Variants in OTOR observed in about 807,000 individuals in gnomAD.
OTOR encodes otoraplin.
A neutral mutation model predicts 15.9 loss-of-function variants in OTOR; 20 were observed. That is an observed-to-expected ratio of 1.26 (90% CI 0.89 to 1.83). The LOEUF (loss-of-function observed/expected upper bound fraction) is 1.83, where lower values mean the gene tolerates loss of function less well. Ranked by LOEUF, OTOR falls within the 40% of genes most tolerant of loss-of-function variation. The pLI is 0.00. For missense variants in OTOR, 184 were observed against 159.0 expected, an observed-to-expected ratio of 1.16 and a Z score of -0.85; for synonymous variants, 53 against 54.2, an observed-to-expected ratio of 0.98 and a Z score of 0.09.
At position 16,748,474 on chromosome 20, in the gene OTOR, C is replaced by G. The variant is rs750947294; in HGVS notation, c.73C>G (p.Arg25Gly). 2 of 1,613,308 alleles carry G rather than the reference C, an allele frequency of 1.2e-6. No individual in the cohort carries two copies. Among genetic ancestry groups the G allele is most frequent in the South Asian group, 2.2e-5 (2 of 91,068 alleles). Residue 25 changes from arginine to glycine, a missense_variant, in exon 1 of 4, where the codon CGT (arginine) becomes GGT (glycine). Arg to Gly is a moderately radical substitution (Grantham distance 125). Transcript: ENST00000246081. ...VCAVHGIFMD[R>G]LASKKLCADD... ...TGCTGTGCATGGAATATTTATGGAC[C>G]GTCTAGCTTCCAAGAAGCTCTGTGC...
At chr20:16,750,386 A>G (rs1181721672) in intron 3 of OTOR, among the ~76,000 whole-genome samples, 1 of 148,272 alleles carries the variant, frequency 6.7e-6, no homozygotes. Flanking sequence ...CACATACATC[A>G]CCTCACATAG....
At chr20:16,748,798 T>A (rs914150460) in intron 1 of OTOR, 69 bp from the exon 2 acceptor site, 10 of 1,191,624 alleles carry the variant, frequency 8.4e-6, no homozygotes, top group African/African-American at 1.6e-5. Flanking sequence ...TTTTCTAATA[T>A]ACATTGCCTT....
chr20:16,748,361 C>G lies in OTOR; in HGVS notation c.-41C>G, dbSNP rs528759976. 1.5e-6 allele frequency: 2 copies of G among 1,348,976 alleles called. No homozygotes were observed. Among genetic ancestry groups the G allele is most frequent in the South Asian group, 2.3e-5 (2 of 85,648 alleles). The allele number at this position is 1,348,976 out of a possible 1,614,324, so 83.6% of individuals were successfully genotyped here. A position where few individuals can be genotyped will look rare whatever the true frequency, so the allele number is the denominator to read the frequency against. ...GGCAGGAACCACTGAAGTCAGTCCC[C>G]GCTTCCAGTCAGAGTTCAAGTTAAA... On this transcript the variant is annotated 5_prime_UTR_variant, in exon 1 of 4. Coordinates refer to ENST00000246081, the MANE Select transcript of OTOR (RefSeq NM_020157.4).
In OTOR at chr20:16,748,454, T is replaced by C; in HGVS notation, c.53T>C (p.Val18Ala). ...CCGGGTCTTGTGGCTGTATGTGCTG[T>C]GCATGGAATATTTATGGACCGTCTA... ...FLPGLVAVCA[V>A]HGIFMDRLAS... is the part of the protein sequence containing the mutation. Residue 18 changes from valine (V) to alanine (A), a missense_variant, in exon 1 of 4, where the codon GTG (valine) becomes GCG (alanine). Physicochemically the swap from Val to Ala is moderately conservative, Grantham distance 64 (BLOSUM62 0). Coordinates refer to ENST00000246081, the MANE Select transcript of OTOR (RefSeq NM_020157.4). The C allele has an allele frequency of 1.2e-6, 2 of 1,613,874 alleles. No homozygotes were observed. Among genetic ancestry groups the C allele is most frequent in the South Asian group, 1.1e-5 (1 of 91,084 alleles).
chr20:16,751,207 G>T lies in OTOR; in HGVS notation c.*89G>T. 1.1e-6 allele frequency: 1 copy of T among 907,618 alleles called. No homozygotes were observed. The highest frequency in any genetic ancestry group is 1.7e-6 in the Non-Finnish European group (1 of 594,704). The allele number at this position is 907,618 out of a possible 1,614,324, so 56.2% of individuals were successfully genotyped here. On this transcript the variant is annotated 3_prime_UTR_variant, in exon 4 of 4. Transcript: ENST00000246081. ...CAAAAAATGCATGTCTGTAATTTTG[G>T]ACTGACGTTTTAAGAATTTGTTACC...
In OTOR at chr20:16,749,941, T is replaced by C; in HGVS notation, c.294T>C (p.Gly98=). ...GDGQDEMGVV[G]YFPRNLVKEQ... ...GCCAGGACGAGATGGGAGTCGTGGG[T>C]TATTTCCCCAGGAACTTGGTCAAGG... The change falls in exon 3 of 4, where the codon GGT becomes GGC. Residue 98 remains glycine (G), a synonymous_variant. Coordinates refer to ENST00000246081, the MANE Select transcript of OTOR (RefSeq NM_020157.4). The C allele has an allele frequency of 6.2e-7, 1 of 1,613,816 alleles. No homozygotes were observed. The highest frequency in any genetic ancestry group is 1.1e-5 in the South Asian group (1 of 91,058).
At chr20:16,750,993 C>A (rs2122522837) in intron 3 of OTOR, 102 bp from the exon 4 acceptor site, 2 of 914,790 alleles carry the variant, frequency 2.2e-6, no homozygotes, top group Admixed American at 3.4e-5. Flanking sequence ...ACTTTAAATC[C>A]AAATTTCTCT....
rs2072519141 is a variant in OTOR at position 16,750,008 on chromosome 20, A to G, written c.361A>G (p.Thr121Ala). 1 of 1,600,116 alleles carries G rather than the reference A, an allele frequency of 6.2e-7. No homozygotes were observed. Among genetic ancestry groups the G allele is most frequent in the Admixed American group, 1.7e-5 (1 of 59,870 alleles). Reference sequence around the variant, plus strand: ...GGAAGCTACCAAGGAAGTTCCCACCACGGTAAGCATCTCAAAAGTGACTAG... The same window carrying G: ...GGAAGCTACCAAGGAAGTTCCCACCGCGGTAAGCATCTCAAAAGTGACTAG... ...YQEATKEVPT[T>A]DIDFFCE The change falls in exon 3 of 4, where the codon ACG (threonine) becomes GCG (alanine). Residue 121 changes from threonine (T) to alanine (A), a missense_variant and splice_region_variant. By Grantham distance (58) the Thr-to-Ala change is moderately conservative. Coordinates refer to ENST00000246081, the MANE Select transcript of OTOR (RefSeq NM_020157.4).
At chr20:16,748,844 C>A in intron 1 of OTOR, 23 bp from the exon 2 acceptor site, 2 of 1,542,066 alleles carry the variant, frequency 1.3e-6, no homozygotes, top group African/African-American at 2.8e-5. Flanking sequence ...AAAATGTAAT[C>A]ATTTAAATTT....
intron 2 of OTOR, 60 bp from the exon 3 acceptor site, chr20:16,749,843 G>A: frequency 8.6e-7 from 1 of 1,163,260 alleles, no homozygotes; most frequent in South Asian, 1.3e-5. Context: ...ACGCCTGCGA[G>A]TTTCTCAGAA....
chr20:16,749,914 T>C lies in OTOR; in HGVS notation c.267T>C (p.Asp89=), dbSNP rs371259736. 8 of 1,612,230 alleles carry C rather than the reference T, an allele frequency of 5.0e-6. No individual in the cohort carries two copies. The highest frequency in any genetic ancestry group is 1.1e-5 in the South Asian group (1 of 91,030). Residue 89 remains aspartate, a synonymous_variant, in exon 3 of 4, where the codon GAT becomes GAC. Coordinates refer to ENST00000246081, the MANE Select transcript of OTOR (RefSeq NM_020157.4). The part of the protein sequence containing the change: ...GEFWAGSVYG[D]GQDEMGVVGY... Reference sequence around the variant, plus strand: ...TTCTGGGCACTTAGGTTTATGGTGATGGCCAGGACGAGATGGGAGTCGTGG... The same window carrying C: ...TTCTGGGCACTTAGGTTTATGGTGACGGCCAGGACGAGATGGGAGTCGTGG...
intron 1 of OTOR, 49 bp from the exon 2 acceptor site, chr20:16,748,818 T>TA (rs1165455538): frequency 6.9e-7 from 1 of 1,446,394 alleles, no homozygotes; most frequent in African/African-American, 1.4e-5. Context: ...TTTACTGTTA[T>TA]AAAATTCAGG....
chr20:16,748,951 A>G lies in OTOR; in HGVS notation c.200A>G (p.Tyr67Cys), dbSNP rs777425775. 10 of 1,612,416 alleles carry G rather than the reference A, an allele frequency of 6.2e-6. No homozygotes were observed. The highest frequency in any genetic ancestry group is 2.2e-5 in the South Asian group (2 of 90,838). Residue 67 changes from tyrosine (Y) to cysteine (C), a missense_variant, in exon 2 of 4, where the codon TAT becomes TGT. By Grantham distance (194) the Tyr-to-Cys change is radical. Coordinates refer to ENST00000246081, the MANE Select transcript of OTOR (RefSeq NM_020157.4). ...AACGTTAAAAAAGGGCAGCAGATCT[A>G]TGTGTACTCAAAGCTGGTAAAAGAA... ...FINVKKGQQI[Y>C]VYSKLVKENG...
chr20:16,751,360 A>G lies in OTOR; in HGVS notation c.*242A>G. 2.1e-6 allele frequency: 1 copy of G among 467,354 alleles called. No homozygotes were observed. Among genetic ancestry groups the G allele is most frequent in the South Asian group, 3.3e-5 (1 of 30,030 alleles). 29.0% of individuals were successfully genotyped at this position (467,354 alleles called of 1,614,324 possible). On this transcript the variant is annotated 3_prime_UTR_variant, in exon 4 of 4. Coordinates refer to ENST00000246081, the MANE Select transcript of OTOR (RefSeq NM_020157.4). The stretch of plus-strand genomic sequence containing the variant: ...GGGGAAATGTTGAGCTCAAATGGGT[A>G]AATTGAGACCAGAAAATTATTTTTT...
chr20:16,750,066 G>A (rs894394254), intron 3 of OTOR, 56 bp downstream of exon 3: 21 of 1,188,646 alleles, frequency 1.8e-5, no homozygotes, highest in African/African-American at 3.0e-5. Context: ...AATGTAGGCC[G>A]GTGTTAAAAA....
chr20:16,748,538 T>C (rs2072507163), intron 1 of OTOR, 22 bp downstream of exon 1: 1 of 1,319,016 alleles, frequency 7.6e-7, no homozygotes, highest in African/African-American at 1.5e-5. Flanking sequence ...TTTATGCTTT[T>C]CATTATCTTT....
Position 16,748,497 on chromosome 20 carries a change from T to C in OTOR, c.96T>C (p.Cys32=). ...ACCGTCTAGCTTCCAAGAAGCTCTG[T>C]GCAGATGATGAGTGTGTCTGTAAGG... ...FMDRLASKKL[C]ADDECVYTIS... is the part of the protein sequence containing the mutation. The change falls in exon 1 of 4, where the codon TGT becomes TGC. Residue 32 remains cysteine, a synonymous_variant. Transcript: ENST00000246081. 6.2e-7 allele frequency: 1 copy of C among 1,605,304 alleles called. No individual in the cohort carries two copies. Among genetic ancestry groups the C allele is most frequent in the South Asian group, 1.1e-5 (1 of 90,854 alleles).
At chr20:16,749,509 G>A (rs2072514455) in intron 2 of OTOR, 1 of 180,206 alleles carries the variant, frequency 5.5e-6, no homozygotes, top group African/African-American at 2.4e-5. Context: ...TAAATTTAAA[G>A]CCATTTAAGT....
At position 16,751,047 on chromosome 20, in the gene OTOR, A is replaced by G. The variant is rs367650201; in HGVS notation, c.364-48A>G. 7.5e-5 allele frequency: 106 copies of G among 1,413,010 alleles called. No individual in the cohort carries two copies. In the African/African-American group the frequency reaches 1.5e-3, roughly 20 times the overall value. 87.5% of individuals were successfully genotyped at this position (1,413,010 alleles called of 1,614,324 possible). On this transcript the variant is annotated intron_variant, in intron 3 of 3. Transcript: ENST00000246081. ...ATACAGAATCTACATCTGTTTTTTT[A>G]GCCTAGGCTATTTCGTTCAATCTTT...
Sources: gnomAD v4.1 joint callset for allele counts (sites outside exome capture counted in the v4.1 genomes callset) on GRCh38, gnomAD v4.1.1 for gene constraint, MANE v1.5 for transcripts, NCBI Gene and HGNC (gene_info 2026-07-23, HGNC 2026-07-21) for gene names.